LMLN: variants seen among roughly 807,000 people sequenced by gnomAD.
The protein encoded by LMLN is leishmanolysin-like peptidase.
In LMLN, 70 loss-of-function variants were observed where a neutral mutation model predicts 92.3. The observed-to-expected ratio is 0.76, with a 90% CI of 0.63 to 0.92. LMLN has a LOEUF of 0.92. Among genes scored for constraint, LMLN ranks in the 40% least tolerant of loss-of-function variants. The pLI is 0.00. For synonymous variants in LMLN, 308 were observed against 296.2 expected (o/e 1.04, Z -0.41); for missense variants, 691 against 814.6 (o/e 0.85, Z 1.85).
chr3:197,968,294 G>A (rs1010453174), intron 1 of LMLN, among the ~76,000 whole-genome samples: 5 of 151,796 alleles, frequency 3.3e-5, no homozygotes, highest in East Asian at 3.9e-4. Flanking sequence ...GTGAAACCCC[G>A]TCTGTACTAA....
chr3:198,033,274 T>A (rs929433644), intron 14 of LMLN, among the ~76,000 whole-genome samples: 2 of 152,204 alleles, frequency 1.3e-5, no homozygotes, highest in African/African-American at 4.8e-5. Context: ...GCAAATGCTG[T>A]CTTCCATGAA....
chr3:197,965,133 A>G (rs1721019262), intron 1 of LMLN, among the ~76,000 whole-genome samples: 1 of 152,020 alleles, frequency 6.6e-6, no homozygotes, highest in Non-Finnish European at 1.5e-5. Context: ...CCCCGCCTCA[A>G]CCTTATGAGG....
rs1723027144 is a variant in LMLN, at chr3:198,029,714, C to T, written c.1656+4926C>T. On this transcript the variant is annotated intron_variant, in intron 14 of 15. Transcript: ENST00000330198. ...CAGAAAAACACACAAAAAACTAGAG[C>T]CTCTGTTATTACTTCCCTAATGTTT... Among the ~76,000 whole-genome samples, 6 of 151,704 alleles carry T rather than the reference C, an allele frequency of 4.0e-5. No homozygotes were observed. The South Asian group carries it at 1.2e-3, about 31-fold the overall frequency.
intron 11 of LMLN, among the ~76,000 whole-genome samples, chr3:198,015,798 C>T (rs1722621364): frequency 6.6e-6 from 1 of 152,202 alleles, no homozygotes; most frequent in Non-Finnish European, 1.5e-5. Flanking sequence ...TTTACAGTGT[C>T]TGGGTTTTTA....
exon 15 of LMLN, chr3:198,036,036 G>C (rs750029896): frequency 6.2e-7 from 1 of 1,612,930 alleles, no homozygotes; most frequent in South Asian, 1.1e-5. Context: ...CCCGAGCTCT[G>C]CCACTTGGTG....
intron 1 of LMLN, among the ~76,000 whole-genome samples, chr3:197,968,604 T>C (rs1206244421): frequency 6.6e-6 from 1 of 152,168 alleles, no homozygotes; most frequent in African/African-American, 2.4e-5. Context: ...TGTGTCCATA[T>C]TAAAATGAAA....
At chr3:198,040,985 CCTT>C (rs1216810341) in exon 16 of LMLN, 1 of 152,514 alleles carries the variant, frequency 6.6e-6, no homozygotes, top group Non-Finnish European at 1.5e-5. Flanking sequence ...CGGACAGACT[CCTT>C]CTGTTCCTCC....
At chr3:198,029,775 AGTT>A (rs1354775405) in intron 14 of LMLN, among the ~76,000 whole-genome samples, 2 of 152,152 alleles carry the variant, frequency 1.3e-5, no homozygotes, top group East Asian at 1.9e-4. Flanking sequence ...TTCAATTCTT[AGTT>A]GTTGTTTTGT....
chr3:198,035,905 G>GTCCTCCCTGTCAGTATCCA lies in LMLN; in HGVS notation c.1730_1748dup (p.Gln583HisfsTer27). Reference sequence around the variant, plus strand: ...ATATTTGTGTAGTCGGGCTGGGCAGGTCCTCCCTGTCAGTATCCAGATGAA... The same window carrying GTCCTCCCTGTCAGTATCCA: ...ATATTTGTGTAGTCGGGCTGGGCAGGTCCTCCCTGTCAGTATCCATCCTCCCTGTCAGTATCCAGATGAA... On this transcript the variant is annotated frameshift_variant, in exon 15 of 16. Coordinates refer to ENST00000330198, the Ensembl canonical transcript of LMLN. LOFTEE classifies it high-confidence loss of function. The GTCCTCCCTGTCAGTATCCA allele has an allele frequency of 6.2e-7, 1 of 1,614,020 alleles. No homozygotes were observed. Among genetic ancestry groups the GTCCTCCCTGTCAGTATCCA allele is most frequent in the Non-Finnish European group, 8.5e-7 (1 of 1,180,024 alleles).
intron 11 of LMLN, among the ~76,000 whole-genome samples, chr3:198,008,878 A>T (rs867401046): frequency 1.1e-4 from 17 of 152,194 alleles, no homozygotes; most frequent in Middle Eastern, 6.8e-3. Context: ...TTCTCTTGAG[A>T]TTTCTTCTTT....
At chr3:198,029,116 C>T (rs998919072) in intron 14 of LMLN, among the ~76,000 whole-genome samples, 1 of 152,294 alleles carries the variant, frequency 6.6e-6, no homozygotes, top group South Asian at 2.1e-4. Context: ...TAATTAGAAA[C>T]CAGAATGATC....
chr3:198,036,885 G>A (rs1010212422), intron 15 of LMLN, among the ~76,000 whole-genome samples: 1 of 152,164 alleles, frequency 6.6e-6, no homozygotes, highest in Admixed American at 6.5e-5. Flanking sequence ...AACTAGAGGT[G>A]TTTTTTAGGT....
intron 11 of LMLN, among the ~76,000 whole-genome samples, chr3:198,009,852 T>C (rs950253200): frequency 6.6e-5 from 10 of 152,200 alleles, no homozygotes; most frequent in African/African-American, 2.2e-4. Flanking sequence ...ACTAGGTGTA[T>C]ATATTAATGG....
intron 11 of LMLN, among the ~76,000 whole-genome samples, chr3:198,005,929 C>T (rs1722281252): frequency 6.6e-6 from 1 of 151,978 alleles, no homozygotes; most frequent in Non-Finnish European, 1.5e-5. Context: ...CCAGCCTGGC[C>T]AACATAGTGA....
intron 14 of LMLN, 104 bp from the exon 16 acceptor site, chr3:198,035,729 A>G: frequency 1.1e-6 from 1 of 896,840 alleles, no homozygotes; most frequent in South Asian, 1.9e-5. Context: ...CAATGTTTTT[A>G]GTAAGTTTTA....
Position 197,976,707 on chromosome 3 carries a change from C to CAATA in LMLN, c.542_543insATAA (p.His181GlnfsTer2). 1 of 1,514,976 alleles carries CAATA rather than the reference C, an allele frequency of 6.6e-7. No individual in the cohort carries two copies. Among genetic ancestry groups the CAATA allele is most frequent in the Non-Finnish European group, 9.0e-7 (1 of 1,110,004 alleles). 93.8% of individuals were successfully genotyped at this position (1,514,976 alleles called of 1,614,324 possible). On this transcript the variant is annotated stop_gained and frameshift_variant, in exon 5 of 16. Transcript: ENST00000330198. LOFTEE classifies it high-confidence loss of function. Reference sequence around the variant, plus strand: ...CGGCCCCGTTATTGTTCCTGAGGAACATCTCCAGGTATTTCACCCTGCTCT... The same window carrying CAATA: ...CGGCCCCGTTATTGTTCCTGAGGAACAATAATCTCCAGGTATTTCACCCTGCTCT...
chr3:198,023,922 A>G (rs1722849636), intron 13 of LMLN, among the ~76,000 whole-genome samples: 1 of 152,230 alleles, frequency 6.6e-6, no homozygotes. Context: ...CAAGTTGAAG[A>G]TATAAGAAAG....
intron 1 of LMLN, among the ~76,000 whole-genome samples, chr3:197,970,548 A>T (rs1485652464): frequency 6.6e-6 from 1 of 152,190 alleles, no homozygotes; most frequent in Non-Finnish European, 1.5e-5. Context: ...TCTACCAGGG[A>T]AGATTACCTG....
At chr3:197,971,780 G>T (rs1422079897) in intron 1 of LMLN, among the ~76,000 whole-genome samples, 1 of 151,774 alleles carries the variant, frequency 6.6e-6, no homozygotes, top group Non-Finnish European at 1.5e-5. Context: ...TTGAGGTTTA[G>T]TGAACTTCTT....
Sources: allele counts gnomAD v4.1 joint callset (sites outside exome capture counted in the v4.1 genomes callset), GRCh38; gene constraint gnomAD v4.1.1; transcripts MANE v1.5; gene names NCBI Gene and HGNC (gene_info 2026-07-23, HGNC 2026-07-21).